The following SLC4A4 variants were observed in gnomAD, a reference collection of about 807,000 sequenced individuals.
The protein encoded by SLC4A4 is electrogenic sodium bicarbonate cotransporter 1.
In SLC4A4, 27 loss-of-function variants were observed where a neutral mutation model predicts 111.5. The ratio of observed to expected loss-of-function variants is 0.24; its 90% confidence interval spans 0.18 to 0.33. SLC4A4 has a LOEUF of 0.33. Ranked by LOEUF, SLC4A4 falls within the 10% of genes least tolerant of loss-of-function variation. The pLI is 1.00. For synonymous variants in SLC4A4, 443 were observed against 463.4 expected, an observed-to-expected ratio of 0.96 and a Z score of 0.57; for missense variants, 909 against 1,315.5, an observed-to-expected ratio of 0.69 and a Z score of 4.78.
At position 71,397,565 on chromosome 4, in the gene SLC4A4, G is replaced by C; in HGVS notation, c.731-12G>C. 6.2e-7 allele frequency: 1 copy of C among 1,611,894 alleles called. No homozygotes were observed. On this transcript the variant is annotated splice_polypyrimidine_tract_variant and intron_variant, in intron 6 of 25. Coordinates refer to ENST00000264485, the MANE Select transcript of SLC4A4 (RefSeq NM_001098484.3). ...AGAAGTCTTTAATTAGAGTTTACTT[G>C]TGTTTTTCCAGGTAGCCCAGCCATG...
At chr4:71,343,410 C>T (rs1729048030) in intron 4 of SLC4A4, among the ~76,000 whole-genome samples, 1 of 152,130 alleles carries the variant, frequency 6.6e-6, no homozygotes, top group African/African-American at 2.4e-5. Flanking sequence ...GATATAATTC[C>T]TTATTTAATT....
intron 5 of SLC4A4, among the ~76,000 whole-genome samples, chr4:71,354,135 T>G (rs1380533954): frequency 6.6e-6 from 1 of 152,160 alleles, no homozygotes; most frequent in Non-Finnish European, 1.5e-5. Context: ...GTTTAAAGAG[T>G]GTCATTCACG....
At chr4:71,065,886 T>C (rs1368267571) in intron 1 of SLC4A4, among the ~76,000 whole-genome samples, 1 of 152,178 alleles carries the variant, frequency 6.6e-6, no homozygotes, top group African/African-American at 2.4e-5. Flanking sequence ...TTTTAATATA[T>C]CTAAAATTAT....
chr4:71,461,758 A>C (rs1251515293), intron 12 of SLC4A4, among the ~76,000 whole-genome samples: 1 of 152,194 alleles, frequency 6.6e-6, no homozygotes, highest in East Asian at 1.9e-4. Flanking sequence ...AACATGGGCC[A>C]AACACGGGCC....
chr4:71,145,423 C>T (rs531734420), intron 2 of SLC4A4, among the ~76,000 whole-genome samples: 1 of 152,198 alleles, frequency 6.6e-6, no homozygotes, highest in African/African-American at 2.4e-5. Context: ...TTTGTTGTGT[C>T]TCTGCCAGGC....
At chr4:71,557,665 A>T in intron 21 of SLC4A4, 47 bp from the exon 22 acceptor site, 1 of 1,576,276 alleles carries the variant, frequency 6.3e-7, no homozygotes, top group Non-Finnish European at 8.7e-7. Flanking sequence ...CATAGTGGAA[A>T]TGTAATGCAG....
chr4:71,180,320 G>C (rs1400867354), intron 2 of SLC4A4, among the ~76,000 whole-genome samples: 2 of 152,136 alleles, frequency 1.3e-5, no homozygotes, highest in Non-Finnish European at 2.9e-5. Flanking sequence ...AACACCAAAA[G>C]CAATGGCAAC....
intron 1 of SLC4A4, among the ~76,000 whole-genome samples, chr4:71,092,435 G>T (rs1368559299): frequency 6.6e-6 from 1 of 152,110 alleles, no homozygotes; most frequent in Non-Finnish European, 1.5e-5. Flanking sequence ...AGAATTAGTA[G>T]ATAAATTTAT....
chr4:71,088,190 G>A (rs1343376086), intron 1 of SLC4A4, among the ~76,000 whole-genome samples: 1 of 151,506 alleles, frequency 6.6e-6, no homozygotes, highest in Admixed American at 6.6e-5. Context: ...GATCTTTGAT[G>A]GCTTAAAGTC....
At chr4:71,175,486 T>C (rs564508764) in intron 2 of SLC4A4, among the ~76,000 whole-genome samples, 1 of 152,228 alleles carries the variant, frequency 6.6e-6, no homozygotes, top group Non-Finnish European at 1.5e-5. Context: ...ACCCTAATAC[T>C]GCACTTTTCC....
chr4:71,124,446 G>A (rs575639034), intron 2 of SLC4A4, among the ~76,000 whole-genome samples: 4 of 151,842 alleles, frequency 2.6e-5, no homozygotes, highest in South Asian at 4.2e-4. Flanking sequence ...CTGGGATTAC[G>A]GGCATGAGCC....
At position 71,502,600 on chromosome 4, in the gene SLC4A4, A is replaced by T. The variant is rs535843998; in HGVS notation, c.2166+4908A>T. 1.1e-4 allele frequency among the ~76,000 whole-genome samples: 16 copies of T among 152,334 alleles called. 1 individual carries two copies. In the South Asian group the frequency reaches 3.3e-3, roughly 32 times the overall value. On this transcript the variant is annotated intron_variant, in intron 16 of 25. Transcript: ENST00000264485. ...TTACACATTGGTTATTTAGTAGCAT[A>T]CATATTCAGGAGCATAAACTTCCAT...
chr4:71,497,732 A>G (rs1400975655), intron 16 of SLC4A4, 40 bp downstream of exon 16: 3 of 1,503,728 alleles, frequency 2.0e-6, no homozygotes, highest in African/African-American at 1.4e-5. Context: ...TTGGATTTAC[A>G]CTGTATCAAC....
chr4:71,212,412 G>A (rs2149013277), intron 1 of SLC4A4, among the ~76,000 whole-genome samples: 1 of 152,324 alleles, frequency 6.6e-6, no homozygotes, highest in Non-Finnish European at 1.5e-5. Context: ...AAGAGGCCCA[G>A]GCCTCTGGAG....
At chr4:71,199,637 T>C (rs75523785) in intron 1 of SLC4A4, among the ~76,000 whole-genome samples, 2,140 of 152,150 alleles carry the variant, frequency 0.014, 56 homozygotes, top group African/African-American at 0.049. Context: ...AACAACACAG[T>C]GTCCTTTTTT....
intron 2 of SLC4A4, among the ~76,000 whole-genome samples, chr4:71,165,085 A>T (rs1744707965): frequency 1.3e-5 from 2 of 151,950 alleles, no homozygotes; most frequent in African/African-American, 4.8e-5. Flanking sequence ...AGAAATAGGA[A>T]CACTTTTTCA....
chr4:71,477,167 C>T (rs1383814699), intron 14 of SLC4A4, among the ~76,000 whole-genome samples: 2 of 151,648 alleles, frequency 1.3e-5, no homozygotes, highest in African/African-American at 4.8e-5. Flanking sequence ...AGGCTAATTA[C>T]TTAATCTCTT....
In SLC4A4 at chr4:71,450,485, G is replaced by A; in HGVS notation, c.1150G>A (p.Glu384Lys). Residue 384 changes from glutamate (E) to lysine (K), a missense_variant, in exon 10 of 26, where the codon GAA becomes AAA. By Grantham distance (56) the Glu-to-Lys change is moderately conservative. Transcript: ENST00000264485. ...LDEVIVLPPGEWDPAIRIEPP... is the reference protein window; with the variant it reads ...LDEVIVLPPGKWDPAIRIEPP... The stretch of plus-strand genomic sequence containing the variant: ...TGAAGTCATCGTCCTTCCACCTGGG[G>A]AATGGGATCCAGCAATTAGGATAGA... 6.2e-7 allele frequency: 1 copy of A among 1,613,800 alleles called. No individual in the cohort carries two copies. The highest frequency in any genetic ancestry group is 8.5e-7 in the Non-Finnish European group (1 of 1,179,844).
At position 71,441,947 on chromosome 4, in the gene SLC4A4, C is replaced by T. The variant is rs151005327; in HGVS notation, c.965+1174C>T. Among the ~76,000 whole-genome samples, 206 of 152,240 alleles carry T rather than the reference C, an allele frequency of 1.4e-3. 2 individuals are homozygous for T. Among genetic ancestry groups the T allele is most frequent in the Non-Finnish European group, 1.6e-3 (107 of 68,020 alleles). ...ACGTAGCTTTTTGCTTGAAAACATT[C>T]CAGCAGAGCCTTGTGGTTCTATCTG... On this transcript the variant is annotated intron_variant, in intron 8 of 25. Transcript: ENST00000264485.
Sources: gnomAD v4.1 joint callset for allele counts (sites outside exome capture counted in the v4.1 genomes callset) on GRCh38, gnomAD v4.1.1 for gene constraint, MANE v1.5 for transcripts, NCBI Gene and HGNC (gene_info 2026-07-23, HGNC 2026-07-21) for gene names.